The following CES5A variants were observed in gnomAD, a reference collection of about 807,000 sequenced individuals.
The protein encoded by CES5A is carboxylesterase 5A.
In CES5A, 67 loss-of-function variants were observed where a neutral mutation model predicts 62.9. The ratio of observed to expected loss-of-function variants is 1.07; its 90% CI spans 0.88 to 1.31. The LOEUF (loss-of-function observed/expected upper bound fraction) is 1.31. Among genes scored for constraint, CES5A ranks in the 50% most tolerant of loss-of-function variants. The pLI, the probability that CES5A is intolerant of heterozygous loss-of-function variation, is 0.00. For missense variants in CES5A, 748 were observed against 708.5 expected, an observed-to-expected ratio of 1.06 and a Z score of -0.63; for synonymous variants, 296 against 280.8, an observed-to-expected ratio of 1.05 and a Z score of -0.54.
At chr16:55,892,201 C>A (rs1436535681) in intron 1 of CES5A, among the ~76,000 whole-genome samples, 1 of 152,186 alleles carries the variant, frequency 6.6e-6, no homozygotes, top group Non-Finnish European at 1.5e-5. Flanking sequence ...CAGACTCAAC[C>A]AATTGTGAAC....
intron 2 of CES5A, among the ~76,000 whole-genome samples, chr16:55,872,175 ATG>A (rs2033604716): frequency 1.3e-5 from 2 of 152,130 alleles, no homozygotes; most frequent in Non-Finnish European, 2.9e-5. Context: ...CTGTCCCCAG[ATG>A]CGCAAAGGAA....
chr16:55,862,306 C>A lies in CES5A; in HGVS notation c.811-790G>T, dbSNP rs537438822. On this transcript the variant is annotated intron_variant, in intron 6 of 12. Coordinates refer to ENST00000290567, the MANE Select transcript of CES5A (RefSeq NM_001143685.2). ...CTGAGAATCCAGTCAAAGTTACAGA[C>A]CCTCTCCCTGGGAAAACGTGCAAGC... Among the ~76,000 whole-genome samples, 17 of 152,274 alleles carry A rather than the reference C, an allele frequency of 1.1e-4. No individual in the cohort carries two copies. In the South Asian group the frequency reaches 3.5e-3, roughly 32 times the overall value.
upstream of CES5A, among the ~76,000 whole-genome samples, chr16:55,877,822 C>T (rs2033714458): frequency 6.6e-6 from 1 of 152,172 alleles, no homozygotes; most frequent in Non-Finnish European, 1.5e-5. Flanking sequence ...GGTCCAATAT[C>T]ACAAAGCTGA....
intron 2 of CES5A, among the ~76,000 whole-genome samples, chr16:55,949,591 T>C (rs746143237): frequency 6.6e-6 from 1 of 152,176 alleles, no homozygotes; most frequent in Non-Finnish European, 1.5e-5. Flanking sequence ...GGTCAGCAAA[T>C]GGCAAATCCA....
chr16:55,873,863 T>A lies in CES5A; in HGVS notation c.248A>T (p.Asn83Ile). The A allele has an allele frequency of 1.2e-6, 2 of 1,613,440 alleles. No homozygotes were observed. The highest frequency in any genetic ancestry group is 1.7e-6 in the Non-Finnish European group (2 of 1,179,818). The change falls in exon 2 of 13, where the codon AAC becomes ATC. Residue 83 changes from asparagine to isoleucine, a missense_variant. By Grantham distance (149) the Asn-to-Ile change is moderately radical. Transcript: ENST00000290567. Reference protein sequence around the residue: ...TNPQPASPWDNLREATSYPNL... With the variant: ...TNPQPASPWDILREATSYPNL... ...AGGGTAGGAGGTGGCTTCTCGCAAGTTATCCCAGGGCGATGCAGGCTGCGG... is the reference window on the plus strand; with the variant it reads ...AGGGTAGGAGGTGGCTTCTCGCAAGATATCCCAGGGCGATGCAGGCTGCGG...
chr16:55,858,954 A>G (rs1387767531), intron 8 of CES5A, among the ~76,000 whole-genome samples: 1 of 152,018 alleles, frequency 6.6e-6, no homozygotes, highest in Non-Finnish European at 1.5e-5. Context: ...TCCTTCATAT[A>G]TCTATCACTC....
At chr16:55,935,122 T>A (rs1567360719) in intron 2 of CES5A, among the ~76,000 whole-genome samples, 1 of 152,160 alleles carries the variant, frequency 6.6e-6, no homozygotes, top group Non-Finnish European at 1.5e-5. Context: ...TTTGTATTTT[T>A]AGTAGAGATG....
intron 1 of CES5A, chr16:55,949,955 A>G (rs1479891132): frequency 4.5e-5 from 36 of 799,594 alleles, no homozygotes; most frequent in Non-Finnish European, 3.7e-5. Context: ...ACAATAATAT[A>G]AATAAAATAT....
intron 5 of CES5A, among the ~76,000 whole-genome samples, chr16:55,863,781 G>A (rs1489446939): frequency 1.4e-5 from 2 of 145,726 alleles, no homozygotes; most frequent in Non-Finnish European, 3.0e-5. Context: ...TTTTTGAGAT[G>A]GAGTCTCGCT....
At chr16:55,907,970 C>T (rs2142447537) in intron 1 of CES5A, among the ~76,000 whole-genome samples, 1 of 152,334 alleles carries the variant, frequency 6.6e-6, no homozygotes, top group Non-Finnish European at 1.5e-5. Context: ...CATTCCTACT[C>T]ATCCCTCTCA....
At chr16:55,953,572 C>T (rs117871251) in intron 1 of CES5A, among the ~76,000 whole-genome samples, 1 of 152,018 alleles carries the variant, frequency 6.6e-6, no homozygotes, top group African/African-American at 2.4e-5. Context: ...CTGAAAAATA[C>T]CTCAGGCAAA....
intron 2 of CES5A, among the ~76,000 whole-genome samples, chr16:55,944,939 AG>A (rs1348217209): frequency 1.3e-5 from 2 of 152,242 alleles, no homozygotes; most frequent in Non-Finnish European, 2.9e-5. Context: ...AAGGGAAAGA[AG>A]GGGGACTACA....
Position 55,871,731 on chromosome 16 carries a change from T to C in CES5A, c.311A>G (p.Asp104Gly), listed in dbSNP as rs1278218227. 1.2e-6 allele frequency: 2 copies of C among 1,614,082 alleles called. No homozygotes were observed. The highest frequency in any genetic ancestry group is 1.1e-5 in the South Asian group (1 of 91,076). ...CLQNSEWLLLDQHMLKVHYPK... is the reference protein window; with the variant it reads ...CLQNSEWLLLGQHMLKVHYPK... ...GTAATGCACCTTGAGCATATGTTGATCTAAGAGCAGCCACTCTGAGTTCTG... is the reference window on the plus strand; with the variant it reads ...GTAATGCACCTTGAGCATATGTTGACCTAAGAGCAGCCACTCTGAGTTCTG... The change falls in exon 3 of 13, where the codon GAT becomes GGT. Residue 104 changes from aspartate (D) to glycine (G), a missense_variant. By Grantham distance (94) the Asp-to-Gly change is moderately conservative. Transcript: ENST00000290567.
chr16:55,899,717 A>G (rs1281779856), intron 1 of CES5A, among the ~76,000 whole-genome samples: 1 of 152,218 alleles, frequency 6.6e-6, no homozygotes, highest in Non-Finnish European at 1.5e-5. Flanking sequence ...CGATAGTCAC[A>G]GCTAGTGGAG....
rs773621525 is a variant in CES5A, at chr16:55,871,609, C to G, written c.417+16G>C. 6.2e-7 allele frequency: 1 copy of G among 1,613,668 alleles called. No homozygotes were observed. Among genetic ancestry groups the G allele is most frequent in the Non-Finnish European group, 8.5e-7 (1 of 1,179,822 alleles). Reference sequence around the variant, plus strand: ...CCTGCTAGCTAGAGCCCGAAGCACACAGCAGGCAGCCTTACGGGGAGCTTG... The same window carrying G: ...CCTGCTAGCTAGAGCCCGAAGCACAGAGCAGGCAGCCTTACGGGGAGCTTG... On this transcript the variant is annotated intron_variant, in intron 3 of 12. Transcript: ENST00000290567.
intron 1 of CES5A, among the ~76,000 whole-genome samples, chr16:55,897,485 T>C (rs1268710419): frequency 6.6e-6 from 1 of 152,138 alleles, no homozygotes; most frequent in Non-Finnish European, 1.5e-5. Flanking sequence ...GCCTTTCTTG[T>C]CAGTCAACAC....
chr16:55,917,792 A>T (rs2034162654), intron 1 of CES5A, among the ~76,000 whole-genome samples: 1 of 152,176 alleles, frequency 6.6e-6, no homozygotes, highest in African/African-American at 2.4e-5. Flanking sequence ...ACAGCAGGAC[A>T]CAGGGGTCAC....
chr16:55,955,589 A>T (rs1292719533), intron 1 of CES5A, among the ~76,000 whole-genome samples: 1 of 152,196 alleles, frequency 6.6e-6, no homozygotes, highest in Non-Finnish European at 1.5e-5. Flanking sequence ...AGGAAAGGAG[A>T]TACCAGTATG....
intron 2 of CES5A, among the ~76,000 whole-genome samples, chr16:55,941,795 T>C (rs1316097946): frequency 6.6e-6 from 1 of 152,114 alleles, no homozygotes; most frequent in African/African-American, 2.4e-5. Flanking sequence ...GGGAGTTTCT[T>C]GGGGTGATCA....
Sources: gnomAD v4.1 joint callset for allele counts (sites outside exome capture counted in the v4.1 genomes callset) on GRCh38, gnomAD v4.1.1 for gene constraint, MANE v1.5 for transcripts, NCBI Gene and HGNC (gene_info 2026-07-23, HGNC 2026-07-21) for gene names.